SYT16: variants seen among roughly 807,000 people sequenced by gnomAD.
The protein encoded by SYT16 is synaptotagmin-16.
A neutral mutation model predicts 61.4 loss-of-function variants in SYT16; 42 were observed. The ratio of observed to expected loss-of-function variants is 0.68; its 90% CI spans 0.53 to 0.89. SYT16 has a LOEUF of 0.89. Among genes scored for constraint, SYT16 ranks in the 40% least tolerant of loss-of-function variants. The probability of loss-of-function intolerance (pLI) is 0.00; values close to 1 mark genes in which losing one functional copy is unlikely to be tolerated. For missense variants in SYT16, 804 were observed against 807.3 expected (o/e 1.00, Z 0.05); for synonymous variants, 314 against 302.3 (o/e 1.04, Z -0.40).
At chr14:61,900,411 G>A (rs1435761749) in intron 1 of SYT16, among the ~76,000 whole-genome samples, 1 of 152,174 alleles carries the variant, frequency 6.6e-6, no homozygotes, top group Admixed American at 6.5e-5. Flanking sequence ...ACCCACCTCA[G>A]CCTTCCAAAA....
At chr14:62,070,936 C>G (rs10129712) in intron 4 of SYT16, among the ~76,000 whole-genome samples, 77,648 of 151,850 alleles carry the variant, frequency 0.51, 22,784 homozygotes, top group African/African-American at 0.82. Flanking sequence ...ATTTTGATTT[C>G]AGGATGAGCA....
intron 1 of SYT16, chr14:61,832,188 GCTTT>G (rs1270430153): frequency 3.0e-6 from 2 of 656,278 alleles, no homozygotes; most frequent in Non-Finnish European, 2.9e-6. Flanking sequence ...CTTCTTCACG[GCTTT>G]CTGTCTGGCA....
At chr14:62,009,211 A>G (rs1290696728) in intron 3 of SYT16, among the ~76,000 whole-genome samples, 2 of 152,234 alleles carry the variant, frequency 1.3e-5, no homozygotes, top group Admixed American at 6.6e-5. Flanking sequence ...ACAAATGAGA[A>G]CATGGGCAGT....
chr14:61,986,477 G>A (rs930142717), intron 2 of SYT16, among the ~76,000 whole-genome samples: 5 of 150,220 alleles, frequency 3.3e-5, no homozygotes, highest in Admixed American at 6.6e-5. Flanking sequence ...TATACTTTAA[G>A]TTCTAGGGTA....
At chr14:61,817,258 A>G (rs1446712506) in intron 1 of SYT16, among the ~76,000 whole-genome samples, 2 of 151,568 alleles carry the variant, frequency 1.3e-5, no homozygotes, top group African/African-American at 4.9e-5. Flanking sequence ...CTCTACTAAA[A>G]ATACAAAAAA....
chr14:61,814,396 G>T (rs1422389904), intron 1 of SYT16, among the ~76,000 whole-genome samples: 1 of 152,188 alleles, frequency 6.6e-6, no homozygotes, highest in Non-Finnish European at 1.5e-5. Flanking sequence ...CAAAGGCAAA[G>T]GGGTTCAAAG....
intron 1 of SYT16, among the ~76,000 whole-genome samples, chr14:61,924,605 G>C (rs914380598): frequency 1.1e-4 from 16 of 151,964 alleles, no homozygotes; most frequent in African/African-American, 3.9e-4. Flanking sequence ...TAGTGCTATC[G>C]GCTACATATT....
chr14:62,002,823 A>C (rs1173856616), intron 3 of SYT16, among the ~76,000 whole-genome samples: 3 of 152,096 alleles, frequency 2.0e-5, no homozygotes, highest in African/African-American at 7.2e-5. Flanking sequence ...AAAAGAAAAG[A>C]GGTTTAATTG....
At chr14:61,950,827 T>C (rs2050641019) in intron 1 of SYT16, among the ~76,000 whole-genome samples, 1 of 152,140 alleles carries the variant, frequency 6.6e-6, no homozygotes, top group Non-Finnish European at 1.5e-5. Flanking sequence ...AACCAGTAAA[T>C]ACTTCTAGTA....
intron 5 of SYT16, among the ~76,000 whole-genome samples, chr14:62,079,177 A>T (rs2056617115): frequency 6.6e-6 from 1 of 152,186 alleles, no homozygotes; most frequent in Non-Finnish European, 1.5e-5. Context: ...TGCTTCTAAT[A>T]TATATACACT....
At chr14:61,896,938 T>C (rs1056801842) in intron 1 of SYT16, among the ~76,000 whole-genome samples, 4 of 152,224 alleles carry the variant, frequency 2.6e-5, no homozygotes, top group African/African-American at 9.6e-5. Flanking sequence ...CTGAGATTTA[T>C]CCTATTAAAT....
intron 1 of SYT16, among the ~76,000 whole-genome samples, chr14:61,874,304 T>C (rs956425264): frequency 1.3e-5 from 2 of 152,118 alleles, no homozygotes; most frequent in Non-Finnish European, 2.9e-5. Context: ...GTGGATCCAC[T>C]CACATGTGGA....
At chr14:62,086,145 C>T (rs940047464) in intron 7 of SYT16, among the ~76,000 whole-genome samples, 3 of 152,084 alleles carry the variant, frequency 2.0e-5, no homozygotes, top group Non-Finnish European at 4.4e-5. Context: ...GGCCAACAAA[C>T]CAAGGTGTGA....
intron 1 of SYT16, among the ~76,000 whole-genome samples, chr14:61,824,294 A>G (rs1273660792): frequency 2.6e-5 from 4 of 152,092 alleles, no homozygotes; most frequent in Admixed American, 2.0e-4. Flanking sequence ...TATTTCCTCA[A>G]TTTTGTTTTC....
chr14:61,970,578 T>C (rs145973695), intron 2 of SYT16, among the ~76,000 whole-genome samples: 201 of 152,334 alleles, frequency 1.3e-3, no homozygotes, highest in Non-Finnish European at 2.0e-3. Flanking sequence ...TGCGTTTTAG[T>C]CTCATGATGT....
chr14:61,936,828 G>T (rs1284722758), intron 1 of SYT16, among the ~76,000 whole-genome samples: 1 of 152,178 alleles, frequency 6.6e-6, no homozygotes, highest in African/African-American at 2.4e-5. Context: ...AGGCTGCTGG[G>T]CCTGACATGT....
At chr14:62,057,286 G>A (rs927889469) in intron 3 of SYT16, among the ~76,000 whole-genome samples, 3 of 152,156 alleles carry the variant, frequency 2.0e-5, no homozygotes, top group Non-Finnish European at 4.4e-5. Context: ...CATCACAATA[G>A]GTAAACACTT....
At chr14:61,824,106 G>C (rs1322140421) in intron 1 of SYT16, among the ~76,000 whole-genome samples, 1 of 152,086 alleles carries the variant, frequency 6.6e-6, no homozygotes, top group Non-Finnish European at 1.5e-5. Context: ...TTATTAAAAA[G>C]GGTTCTTTTC....
rs545555614 is a variant in SYT16, at chr14:61,985,342, A to C, written c.-144-10534A>C. On this transcript the variant is annotated intron_variant, in intron 2 of 7. Coordinates refer to ENST00000683842, the MANE Select transcript of SYT16 (RefSeq NM_001367656.1). Reference sequence around the variant, plus strand: ...TCAATTTATGAATGCTGATGTGTTCATTCACAGGAGGGGGCCAGTATAAAT... The same window carrying C: ...TCAATTTATGAATGCTGATGTGTTCCTTCACAGGAGGGGGCCAGTATAAAT... Among the ~76,000 whole-genome samples the C allele has an allele frequency of 2.8e-4, 43 of 152,198 alleles. 1 individual carries two copies. The highest frequency in any genetic ancestry group is 5.1e-4 in the Non-Finnish European group (35 of 68,022).
Sources: allele counts gnomAD v4.1 joint callset (sites outside exome capture counted in the v4.1 genomes callset), GRCh38; gene constraint gnomAD v4.1.1; transcripts MANE v1.5; gene names NCBI Gene and HGNC (gene_info 2026-07-23, HGNC 2026-07-21).